The following CLUL1 variants were observed in gnomAD, a reference collection of about 807,000 sequenced individuals.
The protein encoded by CLUL1 is clusterin like 1, also known as clusterin-like protein 1.
A neutral mutation model predicts 49.4 loss-of-function variants in CLUL1; 43 were observed. The observed-to-expected ratio is 0.87, with a 90% CI of 0.68 to 1.12. The LOEUF (loss-of-function observed/expected upper bound fraction) is 1.12. CLUL1 is among the 50% of genes most tolerant of loss of function. The pLI, the probability that CLUL1 is intolerant of heterozygous loss-of-function variation, is 0.00. For missense variants in CLUL1, 486 were observed against 544.4 expected (o/e 0.89, Z 1.07); for synonymous variants, 192 against 184.9 (o/e 1.04, Z -0.31).
chr18:647,023 T>C (rs1280046608), intron 9 of CLUL1, among the ~76,000 whole-genome samples: 10 of 152,074 alleles, frequency 6.6e-5, no homozygotes, highest in Non-Finnish European at 1.3e-4. Context: ...AGTGCTGGGA[T>C]CACAGGCATG....
rs530022163 is a variant in CLUL1, at chr18:647,548, T to C, written c.1398-2350T>C. On this transcript the variant is annotated intron_variant, in intron 9 of 9. Coordinates refer to ENST00000692774, the MANE Select transcript of CLUL1 (RefSeq NM_001393344.1). The stretch of plus-strand genomic sequence containing the variant: ...GGCCCAGCGCTCAGGGTGAAGCAGC[T>C]GCAGTTGTTTTTAGTCCTCAGATCA... Among the ~76,000 whole-genome samples, 3 of 152,280 alleles carry C rather than the reference T, an allele frequency of 2.0e-5. No homozygotes were observed. The East Asian group carries it at 5.8e-4, about 29-fold the overall frequency.
chr18:631,543 G>A (rs955661574), intron 6 of CLUL1, among the ~76,000 whole-genome samples: 3 of 152,298 alleles, frequency 2.0e-5, no homozygotes, highest in African/African-American at 4.8e-5. Context: ...TAGACTAAGC[G>A]AGGTGATGGA....
At chr18:637,147 C>T (rs1053699009) in intron 7 of CLUL1, among the ~76,000 whole-genome samples, 6 of 151,930 alleles carry the variant, frequency 3.9e-5, no homozygotes, top group African/African-American at 9.7e-5. Context: ...CCACCATGCC[C>T]GGCTAAATTT....
chr18:624,684 A>G (rs962718542), intron 4 of CLUL1, among the ~76,000 whole-genome samples, 181 bp from the exon 5 acceptor site: 1 of 152,242 alleles, frequency 6.6e-6, no homozygotes, highest in African/African-American at 2.4e-5. Context: ...ATAGGAATCA[A>G]TCAGTGCTCT....
Position 613,541 on chromosome 18 carries a change from G to A in CLUL1, c.-13-4447G>A, listed in dbSNP as rs112373237. On this transcript the variant is annotated intron_variant, in intron 2 of 9. Transcript: ENST00000692774. ...GCTATCTCAGCTCACAGAAACCTCC[G>A]CCTCCTAGGTTTAAGCAATCCTCCT... Among the ~76,000 whole-genome samples, 1,376 of 150,440 alleles carry A rather than the reference G, an allele frequency of 9.1e-3. 16 individuals carry two copies. The highest frequency in any genetic ancestry group is 0.031 in the African/African-American group (1,248 of 40,758).
At chr18:613,399 A>G (rs1425012397) in intron 2 of CLUL1, 2 of 258,900 alleles carry the variant, frequency 7.7e-6, no homozygotes, top group Non-Finnish European at 1.4e-5. Flanking sequence ...CGGCCTCCCA[A>G]AGTGTTGGGA....
At chr18:633,475 T>G in intron 7 of CLUL1, 40 bp downstream of exon 7, 2 of 1,553,868 alleles carry the variant, frequency 1.3e-6, no homozygotes, top group Non-Finnish European at 1.8e-6. Context: ...TACTTTAAGT[T>G]CTCAGGTACA....
intron 1 of CLUL1, among the ~76,000 whole-genome samples, chr18:603,845 A>G (rs1333408150): frequency 2.6e-5 from 4 of 152,160 alleles, no homozygotes; most frequent in Non-Finnish European, 4.4e-5. Flanking sequence ...TATTTCACGA[A>G]CATTTTGTAG....
Position 619,203 on chromosome 18 carries a change from T to G in CLUL1, c.107-10T>G. 1 of 1,608,522 alleles carries G rather than the reference T, an allele frequency of 6.2e-7. No individual in the cohort carries two copies. Among genetic ancestry groups the G allele is most frequent in the East Asian group, 2.2e-5 (1 of 44,826 alleles). On this transcript the variant is annotated splice_polypyrimidine_tract_variant and intron_variant, in intron 3 of 9. Coordinates refer to ENST00000692774, the MANE Select transcript of CLUL1 (RefSeq NM_001393344.1). ...AGATCTCAAAGAAAAAATTGCCACATGTCTTTTAGGTTTTTCTGAGGTGGG... is the reference window on the plus strand; with the variant it reads ...AGATCTCAAAGAAAAAATTGCCACAGGTCTTTTAGGTTTTTCTGAGGTGGG...
chr18:639,430 CAAAAA>C (rs11357641), intron 7 of CLUL1, among the ~76,000 whole-genome samples: 30 of 71,938 alleles, frequency 4.2e-4, no homozygotes, highest in East Asian at 4.5e-4. Flanking sequence ...GACTCCATCT[CAAAAA>C]AAAAAAAAAA....
At chr18:607,355 C>T (rs2073004733) in intron 2 of CLUL1, among the ~76,000 whole-genome samples, 1 of 152,206 alleles carries the variant, frequency 6.6e-6, no homozygotes, top group African/African-American at 2.4e-5. Flanking sequence ...TCTCGAGCTC[C>T]TGACCTCAAG....
intron 4 of CLUL1, among the ~76,000 whole-genome samples, chr18:620,061 C>G (rs1282631284): frequency 2.0e-5 from 3 of 152,182 alleles, no homozygotes; most frequent in East Asian, 3.9e-4. Flanking sequence ...TTACCACTCA[C>G]TCCTAAATAT....
At chr18:626,866 A>C (rs1367824974) in intron 5 of CLUL1, among the ~76,000 whole-genome samples, 1 of 192 alleles carries the variant, frequency 5.2e-3, no homozygotes, top group Non-Finnish European at 0.038. Context: ...ATCTCAAATA[A>C]GAAAGAAAGA....
chr18:640,498 CT>C (rs887688830), intron 7 of CLUL1, among the ~76,000 whole-genome samples: 1 of 150,968 alleles, frequency 6.6e-6, no homozygotes, highest in Admixed American at 6.6e-5. Flanking sequence ...GATAATTTTT[CT>C]TTTTTAACAA....
intron 9 of CLUL1, among the ~76,000 whole-genome samples, chr18:647,920 G>A (rs903323873): frequency 1.7e-4 from 26 of 152,138 alleles, no homozygotes; most frequent in African/African-American, 4.3e-4. Context: ...GGGTACCACC[G>A]TTCTAGGGTT....
chr18:641,579 C>T lies in CLUL1; in HGVS notation c.1209+38C>T, dbSNP rs202122870. The T allele has an allele frequency of 1.6e-5, 24 of 1,489,778 alleles. No individual in the cohort carries two copies. In the African/African-American group the frequency reaches 1.7e-4, roughly 10 times the overall value. The allele number at this position is 1,489,778 out of a possible 1,614,324, so 92.3% of individuals were successfully genotyped here. On this transcript the variant is annotated intron_variant, in intron 8 of 9. Transcript: ENST00000692774. Reference sequence around the variant, plus strand: ...CCCAAGAGCAGATACGGAAATGACACGTGCATACCTTGATTTCACTGTTAA... The same window carrying T: ...CCCAAGAGCAGATACGGAAATGACATGTGCATACCTTGATTTCACTGTTAA...
At chr18:625,113 A>G in intron 5 of CLUL1, 81 bp downstream of exon 5, 1 of 1,405,810 alleles carries the variant, frequency 7.1e-7, no homozygotes, top group Non-Finnish European at 9.7e-7. Flanking sequence ...TTATGTTAAT[A>G]TTTAGAACGG....
chr18:609,373 G>A (rs2073067999), intron 2 of CLUL1, among the ~76,000 whole-genome samples: 2 of 152,146 alleles, frequency 1.3e-5, no homozygotes, highest in Admixed American at 1.3e-4. Flanking sequence ...TATCTGGCAT[G>A]CTCAGAAAAG....
chr18:636,024 C>G (rs964095506), intron 7 of CLUL1, among the ~76,000 whole-genome samples: 2 of 152,098 alleles, frequency 1.3e-5, no homozygotes, highest in Non-Finnish European at 2.9e-5. Context: ...TGTGAGCCAT[C>G]GCGCCTGGCC....
Sources: gnomAD v4.1 joint callset for allele counts (sites outside exome capture counted in the v4.1 genomes callset) on GRCh38, gnomAD v4.1.1 for gene constraint, MANE v1.5 for transcripts, NCBI Gene and HGNC (gene_info 2026-07-23, HGNC 2026-07-21) for gene names.